Variants in CAMK1D observed in about 807,000 individuals in gnomAD.
CAMK1D encodes calcium/calmodulin-dependent protein kinase type 1D.
In CAMK1D, 9 loss-of-function variants were observed where a neutral mutation model predicts 47.7. That is an observed-to-expected ratio of 0.19 (90% CI 0.11 to 0.33). The LOEUF (loss-of-function observed/expected upper bound fraction) is 0.33, where lower values mean the gene tolerates loss of function less well. Ranked by LOEUF, CAMK1D falls within the 10% of genes least tolerant of loss-of-function variation. The pLI is 1.00. For synonymous variants in CAMK1D, 184 were observed against 184.9 expected (o/e 0.99, Z 0.04); for missense variants, 291 against 488.7 (o/e 0.60, Z 3.81).
intron 2 of CAMK1D, among the ~76,000 whole-genome samples, chr10:12,572,711 A>G (rs918267732): frequency 6.6e-6 from 1 of 152,110 alleles, no homozygotes; most frequent in Non-Finnish European, 1.5e-5. Context: ...AGCTCATTGT[A>G]GCCTCAAGCT....
intron 1 of CAMK1D, among the ~76,000 whole-genome samples, chr10:12,477,186 C>A (rs543513739): frequency 6.6e-6 from 1 of 152,054 alleles, no homozygotes; most frequent in Non-Finnish European, 1.5e-5. Flanking sequence ...GAGGCCGAGG[C>A]GGGCAGATCA....
chr10:12,641,050 C>T lies in CAMK1D; in HGVS notation c.225-25686C>T, dbSNP rs372134633. On this transcript the variant is annotated intron_variant, in intron 2 of 10. Coordinates refer to ENST00000619168, the MANE Select transcript of CAMK1D (RefSeq NM_153498.4). ...CTTGGCTCACTGCAACCTCAACCTC[C>T]CTTGAACCTCCTGGGTTCAAGCAAT... 2.6e-5 allele frequency among the ~76,000 whole-genome samples: 4 copies of T among 152,058 alleles called. No homozygotes were observed. The East Asian group carries it at 7.7e-4, about 29-fold the overall frequency.
chr10:12,658,405 A>G (rs1447668977), intron 2 of CAMK1D, among the ~76,000 whole-genome samples: 2 of 151,854 alleles, frequency 1.3e-5, no homozygotes, highest in Non-Finnish European at 2.9e-5. Context: ...TGGGATGGGC[A>G]AGTAAAGACC....
intron 2 of CAMK1D, among the ~76,000 whole-genome samples, chr10:12,607,715 C>G (rs1391949671): frequency 6.6e-6 from 1 of 152,224 alleles, no homozygotes; most frequent in Non-Finnish European, 1.5e-5. Context: ...AATCCCAGCA[C>G]TCTGGGAGGC....
intron 1 of CAMK1D, among the ~76,000 whole-genome samples, chr10:12,363,609 A>T (rs1837746632): frequency 6.6e-6 from 1 of 151,178 alleles, no homozygotes; most frequent in African/African-American, 2.4e-5. Context: ...TATTTAGAGG[A>T]TACTGACAAA....
intron 3 of CAMK1D, among the ~76,000 whole-genome samples, chr10:12,702,409 ATCTGTT>A (rs1588822632): frequency 6.6e-6 from 1 of 152,144 alleles, no homozygotes; most frequent in Admixed American, 6.5e-5. Context: ...AGGGTGTGGG[ATCTGTT>A]TCTGACACTC....
intron 3 of CAMK1D, among the ~76,000 whole-genome samples, chr10:12,705,112 G>C (rs1168020402): frequency 6.6e-6 from 1 of 152,138 alleles, no homozygotes; most frequent in Non-Finnish European, 1.5e-5. Flanking sequence ...ACTGGATACT[G>C]AAATCAATTT....
intron 1 of CAMK1D, among the ~76,000 whole-genome samples, chr10:12,400,192 A>G (rs955688846): frequency 2.0e-5 from 3 of 152,172 alleles, no homozygotes; most frequent in Non-Finnish European, 4.4e-5. Flanking sequence ...CGGAATTTCA[A>G]GGGAGTGGCA....
rs139748027 is a variant in CAMK1D at position 12,572,909 on chromosome 10, G to C, written c.224+19553G>C. 2.7e-3 allele frequency among the ~76,000 whole-genome samples: 418 copies of C among 152,268 alleles called. 1 individual carries two copies. The highest frequency in any genetic ancestry group is 9.3e-3 in the African/African-American group (387 of 41,548). ...TTCTTCCCAAAATGCTGGATTGCAG[G>C]TGTGAACCACCATGCCCAACCCAAG... is the stretch of plus-strand genomic sequence containing the variant. On this transcript the variant is annotated intron_variant, in intron 2 of 10. Transcript: ENST00000619168.
chr10:12,784,420 A>T (rs1203482513), intron 5 of CAMK1D, among the ~76,000 whole-genome samples: 1 of 151,950 alleles, frequency 6.6e-6, no homozygotes, highest in Non-Finnish European at 1.5e-5. Context: ...CTGGTCTCGA[A>T]CTCCTGACCT....
intron 1 of CAMK1D, among the ~76,000 whole-genome samples, chr10:12,397,770 A>T (rs1174783129): frequency 6.6e-6 from 1 of 152,214 alleles, no homozygotes; most frequent in African/African-American, 2.4e-5. Flanking sequence ...AGATGTGTTT[A>T]GTTTGGCTTG....
At chr10:12,455,657 G>A (rs1833220081) in intron 1 of CAMK1D, among the ~76,000 whole-genome samples, 1 of 152,196 alleles carries the variant, frequency 6.6e-6, no homozygotes, top group Non-Finnish European at 1.5e-5. Flanking sequence ...TTCTGTAGTT[G>A]ATGGACATTT....
intron 2 of CAMK1D, among the ~76,000 whole-genome samples, chr10:12,598,787 C>G (rs1213445166): frequency 1.3e-5 from 2 of 152,160 alleles, no homozygotes; most frequent in Non-Finnish European, 2.9e-5. Flanking sequence ...GAATACGGGT[C>G]AACCTTTTAA....
chr10:12,804,795 C>G (rs1838645761), intron 6 of CAMK1D, among the ~76,000 whole-genome samples: 1 of 149,882 alleles, frequency 6.7e-6, no homozygotes, highest in South Asian at 2.1e-4. Flanking sequence ...AAAATTAGCC[C>G]AGTATGGTGG....
intron 2 of CAMK1D, among the ~76,000 whole-genome samples, chr10:12,567,680 A>G (rs565753692): frequency 6.6e-6 from 1 of 152,306 alleles, no homozygotes; most frequent in East Asian, 1.9e-4. Context: ...TTTGAATTGC[A>G]TATCCACAAA....
intron 1 of CAMK1D, among the ~76,000 whole-genome samples, chr10:12,464,197 C>T (rs77048317): frequency 3.3e-5 from 5 of 152,070 alleles, no homozygotes; most frequent in African/African-American, 4.8e-5. Flanking sequence ...CTCTTTGTCC[C>T]GTGGTTGTTG....
At chr10:12,418,194 C>T (rs950601266) in intron 1 of CAMK1D, among the ~76,000 whole-genome samples, 1 of 152,210 alleles carries the variant, frequency 6.6e-6, no homozygotes, top group African/African-American at 2.4e-5. Context: ...GAATGAATTA[C>T]TTGGTAGGCC....
chr10:12,819,064 T>A lies in CAMK1D; in HGVS notation c.833+2736T>A, dbSNP rs182062003. Among the ~76,000 whole-genome samples, 150 of 152,270 alleles carry A rather than the reference T, an allele frequency of 9.9e-4. 6 individuals are homozygous for A. The East Asian group carries it at 0.014, about 15-fold the overall frequency. ...ATGTGAGCCTAGTGCTTGTTGGTAA[T>A]CCATACTTGCTCTGTAGAAGGCAGG... is the stretch of plus-strand genomic sequence containing the variant. On this transcript the variant is annotated intron_variant, in intron 8 of 10. Transcript: ENST00000619168.
At chr10:12,632,737 C>T (rs1839415622) in intron 2 of CAMK1D, among the ~76,000 whole-genome samples, 1 of 152,104 alleles carries the variant, frequency 6.6e-6, no homozygotes, top group African/African-American at 2.4e-5. Context: ...CTCTGTTGCC[C>T]AGGCTGGACT....
Sources: allele counts gnomAD v4.1 joint callset (sites outside exome capture counted in the v4.1 genomes callset), GRCh38; gene constraint gnomAD v4.1.1; transcripts MANE v1.5; gene names NCBI Gene and HGNC (gene_info 2026-07-23, HGNC 2026-07-21).